Variants in LUC7L2 observed in about 807,000 individuals in gnomAD.
LUC7L2 encodes the protein putative RNA-binding protein Luc7-like 2.
LUC7L2 carries 25 observed loss-of-function variants against 52.8 expected under a neutral mutation model. That is an observed-to-expected ratio of 0.47 (90% CI 0.34 to 0.66). The LOEUF is 0.66. Among genes scored for constraint, LUC7L2 ranks in the 30% least tolerant of loss-of-function variants. The pLI, the probability that LUC7L2 is intolerant of heterozygous loss-of-function variation, is 0.01. For missense variants in LUC7L2, 328 were observed against 497.8 expected, an observed-to-expected ratio of 0.66 and a Z score of 3.25; for synonymous variants, 144 against 160.9, an observed-to-expected ratio of 0.89 and a Z score of 0.80.
At chr7:139,362,160 C>T (rs1251617862) in intron 1 of LUC7L2, among the ~76,000 whole-genome samples, 2 of 151,466 alleles carry the variant, frequency 1.3e-5, no homozygotes, top group South Asian at 2.1e-4. Context: ...CTCATATTTA[C>T]GAGTCCACAG....
Position 139,398,585 on chromosome 7 carries a change from T to G in LUC7L2, c.157-14T>G. 3 of 1,587,774 alleles carry G rather than the reference T, an allele frequency of 1.9e-6. No homozygotes were observed. Among genetic ancestry groups the G allele is most frequent in the Non-Finnish European group, 2.6e-6 (3 of 1,172,632 alleles). On this transcript the variant is annotated splice_polypyrimidine_tract_variant and intron_variant, in intron 2 of 9. Coordinates refer to ENST00000354926, the MANE Select transcript of LUC7L2 (RefSeq NM_016019.5). The stretch of plus-strand genomic sequence containing the variant: ...TTTTTTTTGTTTTAATATTATGTCT[T>G]TTTTCCCTTCCAGAGAATGGATCTT...
At chr7:139,397,758 A>G (rs1794725068) in intron 2 of LUC7L2, among the ~76,000 whole-genome samples, 1 of 152,196 alleles carries the variant, frequency 6.6e-6, no homozygotes, top group South Asian at 2.1e-4. Context: ...ATTTTTAGAT[A>G]TTTTGTCTCA....
chr7:139,376,193 A>C (rs1383835981), intron 2 of LUC7L2, 37 bp downstream of exon 2: 2 of 1,581,940 alleles, frequency 1.3e-6, no homozygotes, highest in Non-Finnish European at 1.7e-6. Context: ...GATTACTGAT[A>C]TGCTGCAGTA....
At chr7:139,348,919 G>A (rs1019046310) in intron 1 of LUC7L2, among the ~76,000 whole-genome samples, 1 of 152,040 alleles carries the variant, frequency 6.6e-6, no homozygotes, top group African/African-American at 2.4e-5. Context: ...CCAGCACTTT[G>A]GGAGGCTGAG....
At position 139,341,457 on chromosome 7, in the gene LUC7L2, A is replaced by C. The variant is rs1417207940; in HGVS notation, c.-26+940A>C. On this transcript the variant is annotated intron_variant, in intron 1 of 10. Transcript: ENST00000541170. ...GGAGTTGCGCTACCTGAGCGCGGCC[A>C]CCGGCCGACCCTATCGCGACACCGC... The C allele has an allele frequency of 1.9e-6, 3 of 1,613,648 alleles. No homozygotes were observed. The Admixed American group carries it at 5.0e-5, about 27-fold the overall frequency.
At chr7:139,375,788 G>T (rs1002563828) in intron 1 of LUC7L2, 1 of 342,304 alleles carries the variant, frequency 2.9e-6, no homozygotes, top group African/African-American at 2.2e-5. Context: ...GTCCATTCCT[G>T]CTCTAAAATC....
chr7:139,352,867 T>C (rs1206034301), intron 1 of LUC7L2, among the ~76,000 whole-genome samples: 1 of 152,208 alleles, frequency 6.6e-6, no homozygotes, highest in East Asian at 1.9e-4. Flanking sequence ...AACTAAAAGA[T>C]AGTAATTTTC....
At chr7:139,407,444 A>G in intron 6 of LUC7L2, 94 bp downstream of exon 6, 1 of 1,371,530 alleles carries the variant, frequency 7.3e-7, no homozygotes, top group South Asian at 1.7e-5. Context: ...TGATTCAGTA[A>G]TATAGTATCT....
intron 1 of LUC7L2, among the ~76,000 whole-genome samples, chr7:139,346,680 C>T (rs1269331328): frequency 2.6e-5 from 4 of 152,182 alleles, no homozygotes; most frequent in Non-Finnish European, 4.4e-5. Context: ...CCTCCCTAGG[C>T]CTGACCAATG....
intron 1 of LUC7L2, among the ~76,000 whole-genome samples, chr7:139,372,723 T>G (rs1289773101): frequency 6.6e-6 from 1 of 152,150 alleles, no homozygotes; most frequent in Non-Finnish European, 1.5e-5. Flanking sequence ...GAGGGTCATT[T>G]GAGGCCAGGA....
chr7:139,396,848 T>A (rs187168823), intron 2 of LUC7L2, among the ~76,000 whole-genome samples: 1 of 152,330 alleles, frequency 6.6e-6, no homozygotes, highest in African/African-American at 2.4e-5. Flanking sequence ...TTAAAATGTC[T>A]GATTCTCTGC....
chr7:139,395,853 A>G (rs1794638523), intron 2 of LUC7L2, among the ~76,000 whole-genome samples: 1 of 151,878 alleles, frequency 6.6e-6, no homozygotes, highest in Non-Finnish European at 1.5e-5. Flanking sequence ...TTCTTATGTT[A>G]CCCAGGCCGG....
Position 139,409,544 on chromosome 7 carries a change from A to G in LUC7L2, c.688-19A>G, listed in dbSNP as rs1368400309. 5.0e-6 allele frequency: 8 copies of G among 1,593,714 alleles called. No homozygotes were observed. The African/African-American group carries it at 1.1e-4, about 22-fold the overall frequency. On this transcript the variant is annotated intron_variant, in intron 6 of 9. Transcript: ENST00000354926. ...AATGGACTCAGTAAATATTCTCCTC[A>G]TTTATTACTGTTTTTAAGAGAGTCG...
At chr7:139,340,495 G>A (rs1030416667) in exon 1 of LUC7L2, 3 of 398,446 alleles carry the variant, frequency 7.5e-6, no homozygotes, top group African/African-American at 2.1e-5. Context: ...TTCAACGTCC[G>A]GAGCATCGGT....
At chr7:139,371,663 AAT>A (rs1326503781) in intron 1 of LUC7L2, among the ~76,000 whole-genome samples, 2 of 152,292 alleles carry the variant, frequency 1.3e-5, no homozygotes, top group African/African-American at 4.8e-5. Context: ...TTTAAGTGTT[AAT>A]ATAAGTTTCA....
At chr7:139,341,262 C>A in intron 1 of LUC7L2, 2 of 1,461,584 alleles carry the variant, frequency 1.4e-6, no homozygotes, top group Non-Finnish European at 1.8e-6. Flanking sequence ...GGTTCCACTG[C>A]TCGTCAGTCG....
At chr7:139,355,703 G>T (rs985492688), upstream of LUC7L2, among the ~76,000 whole-genome samples, 5 of 152,180 alleles carry the variant, frequency 3.3e-5, no homozygotes, top group Non-Finnish European at 5.9e-5. Context: ...GGCTTTGAAA[G>T]ACCAAGGTAA....
At chr7:139,398,783 C>A in intron 3 of LUC7L2, 86 bp downstream of exon 3, 1 of 1,280,128 alleles carries the variant, frequency 7.8e-7, no homozygotes, top group Non-Finnish European at 1.1e-6. Flanking sequence ...ATAGGAAAAA[C>A]TCTTAGCAGT....
Position 139,422,849 on chromosome 7 carries a change from G to A in LUC7L2, c.*509G>A, listed in dbSNP as rs1278505550. 2.5e-6 allele frequency: 1 copy of A among 399,102 alleles called. No individual in the cohort carries two copies. Among genetic ancestry groups the A allele is most frequent in the Non-Finnish European group, 4.4e-6 (1 of 226,136 alleles). The allele number at this position is 399,102 out of a possible 1,614,324, so 24.7% of individuals were successfully genotyped here. On this transcript the variant is annotated 3_prime_UTR_variant, in exon 10 of 10. Coordinates refer to ENST00000354926, the MANE Select transcript of LUC7L2 (RefSeq NM_016019.5). ...AATTACTAGCTGATTACAGTTCAGA[G>A]CATTGATCCTGGAATGTGTGCTGGA...
Sources: gnomAD v4.1 joint callset for allele counts (sites outside exome capture counted in the v4.1 genomes callset) on GRCh38, gnomAD v4.1.1 for gene constraint, MANE v1.5 for transcripts, NCBI Gene and HGNC (gene_info 2026-07-23, HGNC 2026-07-21) for gene names.